The following FBXL7 variants were observed in gnomAD, a reference collection of about 807,000 sequenced individuals.
FBXL7 encodes F-box and leucine rich repeat protein 7, also known as F-box/LRR-repeat protein 7.
Under a neutral mutation model 38.3 loss-of-function variants are expected in FBXL7, and 12 were observed. That is an observed-to-expected ratio of 0.31 (90% CI 0.20 to 0.51). FBXL7 has a LOEUF of 0.51. Among genes scored for constraint, FBXL7 ranks in the 20% least tolerant of loss-of-function variants. The pLI is 0.98. For missense variants in FBXL7, 567 were observed against 676.4 expected, an observed-to-expected ratio of 0.84 and a Z score of 1.79; for synonymous variants, 297 against 300.9, an observed-to-expected ratio of 0.99 and a Z score of 0.13.
intron 2 of FBXL7, among the ~76,000 whole-genome samples, chr5:15,844,160 G>A (rs1738829030): frequency 6.6e-6 from 1 of 152,134 alleles, no homozygotes; most frequent in Non-Finnish European, 1.5e-5. Flanking sequence ...TTTTTTAGCA[G>A]GGGAAGGAAA....
intron 1 of FBXL7, among the ~76,000 whole-genome samples, chr5:15,610,968 C>T (rs936714689): frequency 6.6e-6 from 1 of 152,126 alleles, no homozygotes; most frequent in African/African-American, 2.4e-5. Context: ...CAGATACAAA[C>T]CCAGGCCTCT....
chr5:15,803,467 A>G (rs1001818813), intron 2 of FBXL7, among the ~76,000 whole-genome samples: 3 of 152,154 alleles, frequency 2.0e-5, no homozygotes, highest in African/African-American at 7.2e-5. Context: ...TTGAATTTGG[A>G]GATTGAAATT....
At chr5:15,747,300 G>A (rs1413857971) in intron 2 of FBXL7, among the ~76,000 whole-genome samples, 1 of 152,144 alleles carries the variant, frequency 6.6e-6, no homozygotes, top group Non-Finnish European at 1.5e-5. Flanking sequence ...CTTTCATGGT[G>A]GTACGGCTCT....
intron 2 of FBXL7, among the ~76,000 whole-genome samples, chr5:15,680,704 C>T (rs2126609577): frequency 6.6e-6 from 1 of 152,302 alleles, no homozygotes; most frequent in Non-Finnish European, 1.5e-5. Flanking sequence ...ATGGCAATAA[C>T]ATGACTCCAA....
At chr5:15,697,869 G>A (rs537482148) in intron 2 of FBXL7, among the ~76,000 whole-genome samples, 53 of 152,146 alleles carry the variant, frequency 3.5e-4, no homozygotes, top group Non-Finnish European at 6.9e-4. Context: ...CAGTATCCTA[G>A]AGCTAAGAGC....
chr5:15,594,932 A>C (rs1739582228), intron 1 of FBXL7, among the ~76,000 whole-genome samples: 1 of 152,176 alleles, frequency 6.6e-6, no homozygotes, highest in African/African-American at 2.4e-5. Flanking sequence ...AGTGATGTGG[A>C]ATCCTAGTCA....
intron 2 of FBXL7, among the ~76,000 whole-genome samples, chr5:15,871,029 G>T (rs1175972314): frequency 6.6e-6 from 1 of 152,192 alleles, no homozygotes; most frequent in Non-Finnish European, 1.5e-5. Flanking sequence ...ACATCTCCCA[G>T]CAGGAGCTGA....
intron 1 of FBXL7, among the ~76,000 whole-genome samples, chr5:15,521,172 A>G (rs1309705782): frequency 1.3e-5 from 2 of 152,238 alleles, no homozygotes; most frequent in Non-Finnish European, 2.9e-5. Context: ...AGGGAGTCAG[A>G]AGCAGTTCTT....
intron 2 of FBXL7, among the ~76,000 whole-genome samples, chr5:15,770,111 C>T (rs1405726723): frequency 1.3e-5 from 2 of 152,066 alleles, no homozygotes; most frequent in Non-Finnish European, 2.9e-5. Flanking sequence ...TGTTGATTGA[C>T]GGAGGGAGGA....
intron 2 of FBXL7, among the ~76,000 whole-genome samples, chr5:15,765,232 A>G (rs1156376552): frequency 6.6e-6 from 1 of 152,134 alleles, no homozygotes; most frequent in Non-Finnish European, 1.5e-5. Context: ...TGTCTCCAGA[A>G]CAGTGGTTCT....
At chr5:15,501,938 T>C (rs1736501005) in intron 1 of FBXL7, among the ~76,000 whole-genome samples, 1 of 152,030 alleles carries the variant, frequency 6.6e-6, no homozygotes, top group Admixed American at 6.5e-5. Context: ...TGAGTTTTTT[T>C]TTTTTTGACA....
At chr5:15,540,692 G>T (rs532520247) in intron 1 of FBXL7, among the ~76,000 whole-genome samples, 2 of 152,150 alleles carry the variant, frequency 1.3e-5, no homozygotes, top group Admixed American at 6.5e-5. Flanking sequence ...GAGGCTGAAC[G>T]TCTAAGATCA....
chr5:15,823,304 T>C (rs754457498), intron 2 of FBXL7, among the ~76,000 whole-genome samples: 5 of 152,228 alleles, frequency 3.3e-5, no homozygotes, highest in Admixed American at 2.0e-4. Flanking sequence ...ATCATTCCCA[T>C]ACTTAATTTA....
At chr5:15,923,524 G>T (rs1345906882) in intron 2 of FBXL7, among the ~76,000 whole-genome samples, 1 of 152,002 alleles carries the variant, frequency 6.6e-6, no homozygotes, top group African/African-American at 2.4e-5. Flanking sequence ...ACATATATAT[G>T]TATATTTTTA....
intron 2 of FBXL7, among the ~76,000 whole-genome samples, chr5:15,804,498 A>G (rs767497413): frequency 5.3e-5 from 8 of 152,188 alleles, no homozygotes; most frequent in Non-Finnish European, 8.8e-5. Flanking sequence ...ATGAATAAAT[A>G]AAATGTTTAC....
chr5:15,522,197 C>T (rs1737115279), intron 1 of FBXL7, among the ~76,000 whole-genome samples: 1 of 152,128 alleles, frequency 6.6e-6, no homozygotes, highest in East Asian at 1.9e-4. Flanking sequence ...GTGGGTCTCT[C>T]CTGCCCCTCC....
At chr5:15,788,169 A>G (rs1737180263) in intron 2 of FBXL7, among the ~76,000 whole-genome samples, 1 of 152,072 alleles carries the variant, frequency 6.6e-6, no homozygotes, top group Non-Finnish European at 1.5e-5. Flanking sequence ...GGAGGGCCCA[A>G]CGCAATGGAG....
intron 1 of FBXL7, among the ~76,000 whole-genome samples, chr5:15,602,569 G>A (rs1739832293): frequency 6.6e-6 from 1 of 152,096 alleles, no homozygotes; most frequent in Admixed American, 6.5e-5. Flanking sequence ...CAGAAGACAG[G>A]CTTGATTGTT....
chr5:15,838,051 G>A (rs1026178913), intron 2 of FBXL7, among the ~76,000 whole-genome samples: 1 of 152,136 alleles, frequency 6.6e-6, no homozygotes, highest in Non-Finnish European at 1.5e-5. Flanking sequence ...GAGGACTGTT[G>A]TCTGGTGTGG....
Sources: allele counts gnomAD v4.1 joint callset (sites outside exome capture counted in the v4.1 genomes callset), GRCh38; gene constraint gnomAD v4.1.1; transcripts MANE v1.5; gene names NCBI Gene and HGNC (gene_info 2026-07-23, HGNC 2026-07-21).